The following APBA1 variants were observed in gnomAD, a reference collection of about 807,000 sequenced individuals.
APBA1 encodes amyloid-beta A4 precursor protein-binding family A member 1.
APBA1 carries 55 observed loss-of-function variants against 86.6 expected under a neutral mutation model. The observed-to-expected ratio is 0.64, with a 90% CI of 0.51 to 0.80. The LOEUF is 0.80. Among genes scored for constraint, APBA1 ranks in the 30% least tolerant of loss-of-function variants. The pLI, the probability that APBA1 is intolerant of heterozygous loss-of-function variation, is 0.00. For missense variants in APBA1, 1,090 were observed against 1,183.0 expected (o/e 0.92, Z 1.15); for synonymous variants, 511 against 493.9 (o/e 1.03, Z -0.46).
intron 1 of APBA1, among the ~76,000 whole-genome samples, chr9:69,544,364 C>T (rs1427142839): frequency 6.6e-6 from 1 of 152,196 alleles, no homozygotes; most frequent in Non-Finnish European, 1.5e-5. Context: ...GAAAGTAATA[C>T]AAAGTCAATT....
At chr9:69,660,579 GA>G (rs1823735312) in intron 1 of APBA1, among the ~76,000 whole-genome samples, 1 of 152,162 alleles carries the variant, frequency 6.6e-6, no homozygotes. Context: ...ACAGAGGGGG[GA>G]AATACTTTAA....
intron 1 of APBA1, among the ~76,000 whole-genome samples, chr9:69,574,013 C>T (rs1247013530): frequency 6.6e-6 from 1 of 152,146 alleles, no homozygotes; most frequent in Non-Finnish European, 1.5e-5. Context: ...GATACACAAA[C>T]ATTTTTGTCC....
intron 1 of APBA1, among the ~76,000 whole-genome samples, chr9:69,596,800 C>A (rs1822238689): frequency 6.6e-6 from 1 of 152,224 alleles, no homozygotes; most frequent in Non-Finnish European, 1.5e-5. Context: ...CTGTTGCAGT[C>A]TATCTTCAGC....
intron 1 of APBA1, among the ~76,000 whole-genome samples, chr9:69,636,930 A>AAG (rs1564099014): frequency 0.049 from 1,544 of 31,526 alleles, 29 homozygotes; most frequent in Non-Finnish European, 0.088. Flanking sequence ...AAGGAAAGAA[A>AAG]GAAAGAAAGA....
chr9:69,519,381 G>T (rs1364185925), intron 1 of APBA1, among the ~76,000 whole-genome samples: 3 of 152,254 alleles, frequency 2.0e-5, no homozygotes, highest in Non-Finnish European at 2.9e-5. Flanking sequence ...AGCAGCAAGT[G>T]TTGCTGCTAC....
intron 2 of APBA1, among the ~76,000 whole-genome samples, chr9:69,489,691 A>C (rs1262562053): frequency 6.6e-6 from 1 of 151,058 alleles, no homozygotes; most frequent in Admixed American, 6.6e-5. Flanking sequence ...TCTCAAATGA[A>C]GACATTTATG....
At chr9:69,492,420 G>A (rs1025596784) in intron 2 of APBA1, among the ~76,000 whole-genome samples, 2 of 151,248 alleles carry the variant, frequency 1.3e-5, no homozygotes, top group East Asian at 1.9e-4. Flanking sequence ...AAACACCCAC[G>A]GGGATGTTTT....
chr9:69,663,495 T>C (rs1375151900), intron 1 of APBA1, among the ~76,000 whole-genome samples: 1 of 152,248 alleles, frequency 6.6e-6, no homozygotes, highest in Non-Finnish European at 1.5e-5. Context: ...TTTTAAAATA[T>C]GCTACAATTT....
chr9:69,533,661 A>T (rs912061184), intron 1 of APBA1, among the ~76,000 whole-genome samples: 1 of 151,060 alleles, frequency 6.6e-6, no homozygotes, highest in African/African-American at 2.4e-5. Context: ...GAGTGGTAAA[A>T]AGGACTCTAA....
Position 69,471,786 on chromosome 9 carries a change from A to C in APBA1, c.1297-91T>G, listed in dbSNP as rs557804292. 68 of 1,015,122 alleles carry C rather than the reference A, an allele frequency of 6.7e-5. No homozygotes were observed. The African/African-American group carries it at 8.9e-4, about 13-fold the overall frequency. 62.9% of individuals were successfully genotyped at this position (1,015,122 alleles called of 1,614,324 possible). A position where few individuals can be genotyped will look rare whatever the true frequency, so the allele number is the denominator to read the frequency against. ...TCCATGCAACATGAAAAATAAATAC[A>C]TAATCAGTGGCAGTTACCAATTATT... On this transcript the variant is annotated intron_variant, in intron 3 of 12. Coordinates refer to ENST00000265381, the MANE Select transcript of APBA1 (RefSeq NM_001163.4).
At chr9:69,468,996 C>T (rs1162991956) in intron 4 of APBA1, among the ~76,000 whole-genome samples, 1 of 151,876 alleles carries the variant, frequency 6.6e-6, no homozygotes, top group Non-Finnish European at 1.5e-5. Context: ...TCCCAAGTGG[C>T]TGAAACTACA....
At chr9:69,634,749 CA>C (rs1823122218) in intron 1 of APBA1, among the ~76,000 whole-genome samples, 1 of 152,148 alleles carries the variant, frequency 6.6e-6, no homozygotes, top group Non-Finnish European at 1.5e-5. Flanking sequence ...AAACAACATA[CA>C]ATGGAACTCT....
chr9:69,516,817 G>A lies in APBA1; in HGVS notation c.394C>T (p.Gln132Ter). The A allele has an allele frequency of 6.2e-7, 1 of 1,607,594 alleles. No homozygotes were observed. The highest frequency in any genetic ancestry group is 8.5e-7 in the Non-Finnish European group (1 of 1,179,342). ...YRPEAEEYTE[Q>*]AEAEHAEATH... is the part of the protein sequence containing the mutation. Reference sequence around the variant, plus strand: ...GCCTCGGCGTGCTCGGCCTCTGCCTGCTCCGTGTACTCCTCGGCCTCGGGC... The same window carrying A: ...GCCTCGGCGTGCTCGGCCTCTGCCTACTCCGTGTACTCCTCGGCCTCGGGC... Residue 132 changes from glutamine to a stop codon, truncating the protein, a stop_gained, in exon 2 of 13, where the codon CAG becomes TAG. Transcript: ENST00000265381. LOFTEE classifies it high-confidence loss of function. This position sits in a 1 kb window ranked among gnomAD's most constrained non-coding sequence, Gnocchi z 7.3.
intron 2 of APBA1, among the ~76,000 whole-genome samples, chr9:69,486,827 CT>C (rs1459860607): frequency 4.0e-5 from 6 of 151,766 alleles, no homozygotes; most frequent in Admixed American, 3.9e-4. Flanking sequence ...AGCTCAGCTC[CT>C]ACTCTCTGCC....
chr9:69,437,083 T>C (rs1193643494), intron 11 of APBA1, among the ~76,000 whole-genome samples: 2 of 151,894 alleles, frequency 1.3e-5, no homozygotes, highest in East Asian at 3.8e-4. Flanking sequence ...TTATGTTAAT[T>C]GATTTTTGTA....
intron 1 of APBA1, among the ~76,000 whole-genome samples, chr9:69,588,321 T>C (rs1405688312): frequency 6.6e-6 from 1 of 151,142 alleles, no homozygotes; most frequent in Non-Finnish European, 1.5e-5. Flanking sequence ...GAGCTACAAA[T>C]GAAACGCAAC....
At chr9:69,443,784 A>C (rs1834863271) in intron 10 of APBA1, among the ~76,000 whole-genome samples, 1 of 152,162 alleles carries the variant, frequency 6.6e-6, no homozygotes. Flanking sequence ...CCGCATTCAA[A>C]ACGCACAGTA....
chr9:69,625,500 A>G (rs545610043), intron 1 of APBA1, among the ~76,000 whole-genome samples: 20 of 152,208 alleles, frequency 1.3e-4, no homozygotes, highest in South Asian at 1.0e-3. Context: ...TTCCTAGCAC[A>G]TAGGAGGCCC....
chr9:69,653,014 C>CAAAA (rs35226509), intron 1 of APBA1, among the ~76,000 whole-genome samples: 1 of 145,722 alleles, frequency 6.9e-6, no homozygotes. Context: ...CAAAAACAAG[C>CAAAA]AAAAAAAAAA....
Sources: gnomAD v4.1 joint callset for allele counts (sites outside exome capture counted in the v4.1 genomes callset) on GRCh38, gnomAD v4.1.1 for gene constraint, Gnocchi (gnomAD v3.1) non-coding constraint, MANE v1.5 for transcripts, NCBI Gene and HGNC (gene_info 2026-07-23, HGNC 2026-07-21) for gene names.